LIPK: variants seen among roughly 807,000 people sequenced by gnomAD.
The protein encoded by LIPK is lipase member K.
Under a neutral mutation model 48.6 loss-of-function variants are expected in LIPK, and 32 were observed. The ratio of observed to expected loss-of-function variants is 0.66; its 90% CI spans 0.50 to 0.88. LIPK has a LOEUF of 0.88. LIPK is among the 40% of genes least tolerant of loss of function. The probability of loss-of-function intolerance (pLI) is 0.00; values close to 1 mark genes in which losing one functional copy is unlikely to be tolerated. For missense variants in LIPK, 507 were observed against 478.5 expected, an observed-to-expected ratio of 1.06 and a Z score of -0.56; for synonymous variants, 164 against 157.4, an observed-to-expected ratio of 1.04 and a Z score of -0.32.
chr10:88,706,555 A>C (rs1239586100), intron 1 of LIPK, among the ~76,000 whole-genome samples: 3 of 152,164 alleles, frequency 2.0e-5, no homozygotes, highest in Non-Finnish European at 4.4e-5. Context: ...AGCAGACATC[A>C]CTATATTTGA....
intron 8 of LIPK, 47 bp downstream of exon 8, chr10:88,740,114 C>A: frequency 1.4e-6 from 2 of 1,473,714 alleles, no homozygotes; most frequent in South Asian, 1.2e-5. Context: ...CTCTGCAAGA[C>A]CCTCAAGAAG....
At chr10:88,735,976 A>G (rs1413831410) in intron 6 of LIPK, among the ~76,000 whole-genome samples, 2 of 152,184 alleles carry the variant, frequency 1.3e-5, no homozygotes, top group East Asian at 3.8e-4. Flanking sequence ...GTATTTGGGA[A>G]AGCTAACTCC....
chr10:88,714,566 A>G (rs1346849714), intron 1 of LIPK, among the ~76,000 whole-genome samples: 4 of 152,198 alleles, frequency 2.6e-5, no homozygotes, highest in African/African-American at 9.6e-5. Flanking sequence ...AACAAATTCA[A>G]CTTTTAAAGT....
At chr10:88,727,006 T>G (rs765260114) in intron 3 of LIPK, 94 bp downstream of exon 3, 13 of 727,932 alleles carry the variant, frequency 1.8e-5, no homozygotes, top group Non-Finnish European at 2.8e-5. Context: ...CTGAAATTCT[T>G]AACAGTCCTT....
At chr10:88,708,335 TG>T (rs1219501016) in intron 1 of LIPK, among the ~76,000 whole-genome samples, 4 of 152,110 alleles carry the variant, frequency 2.6e-5, no homozygotes, top group Non-Finnish European at 5.9e-5. Flanking sequence ...AGTAAATTAG[TG>T]GAAGAGAGAA....
At chr10:88,723,704 TA>T (rs1196962633) in intron 1 of LIPK, among the ~76,000 whole-genome samples, 3 of 152,084 alleles carry the variant, frequency 2.0e-5, no homozygotes, top group African/African-American at 4.8e-5. Context: ...AAAAACACTT[TA>T]AAAATGAGAA....
At chr10:88,721,680 C>T (rs1411692825) in intron 1 of LIPK, among the ~76,000 whole-genome samples, 1 of 152,278 alleles carries the variant, frequency 6.6e-6, no homozygotes, top group South Asian at 2.1e-4. Context: ...ATTACAACAC[C>T]GACAGGATTA....
chr10:88,746,760 C>T (rs559738074), intron 9 of LIPK, among the ~76,000 whole-genome samples: 8 of 152,004 alleles, frequency 5.3e-5, no homozygotes, highest in Non-Finnish European at 1.0e-4. Flanking sequence ...AAAAAATAAC[C>T]AAAATTACAG....
intron 7 of LIPK, among the ~76,000 whole-genome samples, chr10:88,738,978 A>G (rs1170449489): frequency 6.6e-6 from 1 of 152,240 alleles, no homozygotes; most frequent in Non-Finnish European, 1.5e-5. Flanking sequence ...TGGATAGCTT[A>G]TAAGTAGGTT....
chr10:88,743,209 C>T (rs544421011), intron 8 of LIPK, 41 bp from the exon 9 acceptor site: 1 of 1,369,488 alleles, frequency 7.3e-7, no homozygotes, highest in Non-Finnish European at 1.0e-6. Flanking sequence ...TAAATGTACA[C>T]TATTTTCTTA....
Position 88,745,149 on chromosome 10 carries a change from C to T in LIPK, c.960+1828C>T, listed in dbSNP as rs374020252. Among the ~76,000 whole-genome samples the T allele has an allele frequency of 6.4e-4, 97 of 151,424 alleles. 3 individuals are homozygous for T. In the South Asian group the frequency reaches 0.019, roughly 29 times the overall value. On this transcript the variant is annotated intron_variant, in intron 9 of 9. Coordinates refer to ENST00000404190, the MANE Select transcript of LIPK (RefSeq NM_001080518.2). Reference sequence around the variant, plus strand: ...GGATTATGTAAAGACACCAAACCTACAGCTCTCTGGCATTCCTGAAAGAGA... The same window carrying T: ...GGATTATGTAAAGACACCAAACCTATAGCTCTCTGGCATTCCTGAAAGAGA...
intron 9 of LIPK, among the ~76,000 whole-genome samples, chr10:88,746,342 A>G (rs1295478760): frequency 2.6e-5 from 4 of 152,284 alleles, no homozygotes; most frequent in Admixed American, 6.5e-5. Context: ...TCATGTGCAC[A>G]TGGCATATAC....
At chr10:88,749,084 C>T (rs187323090) in intron 9 of LIPK, among the ~76,000 whole-genome samples, 11 of 152,180 alleles carry the variant, frequency 7.2e-5, no homozygotes, top group Non-Finnish European at 1.3e-4. Context: ...AAGATCTCTA[C>T]AATGAGAACT....
chr10:88,740,813 C>A (rs1014253390), intron 8 of LIPK, among the ~76,000 whole-genome samples: 3 of 152,064 alleles, frequency 2.0e-5, no homozygotes, highest in Non-Finnish European at 4.4e-5. Flanking sequence ...CTGAGACCCC[C>A]CCCCAACCAG....
intron 7 of LIPK, among the ~76,000 whole-genome samples, chr10:88,739,539 T>G (rs192692043): frequency 3.9e-5 from 6 of 152,308 alleles, no homozygotes; most frequent in African/African-American, 1.4e-4. Context: ...TCAGATTATA[T>G]GGTACATGTT....
intron 2 of LIPK, among the ~76,000 whole-genome samples, chr10:88,726,459 G>A (rs1040155643): frequency 6.6e-6 from 1 of 152,234 alleles, no homozygotes; most frequent in African/African-American, 2.4e-5. Flanking sequence ...GGCTAAGGCA[G>A]GGGAACGAAT....
intron 1 of LIPK, among the ~76,000 whole-genome samples, chr10:88,708,300 C>A (rs1403518064): frequency 6.6e-6 from 1 of 151,996 alleles, no homozygotes; most frequent in African/African-American, 2.4e-5. Flanking sequence ...CTAATAAATT[C>A]ATCAAGAAAA....
intron 9 of LIPK, among the ~76,000 whole-genome samples, chr10:88,745,353 A>G (rs1251388602): frequency 2.0e-5 from 3 of 152,154 alleles, no homozygotes; most frequent in Non-Finnish European, 4.4e-5. Context: ...GGTCTATATG[A>G]AAGAAAAAAT....
chr10:88,727,768 G>T, intron 3 of LIPK: 1 of 265,932 alleles, frequency 3.8e-6, no homozygotes, highest in South Asian at 4.5e-5. Flanking sequence ...TAAAAGTGGA[G>T]GTGGATCCCA....
Sources: gnomAD v4.1 joint callset for allele counts (sites outside exome capture counted in the v4.1 genomes callset) on GRCh38, gnomAD v4.1.1 for gene constraint, MANE v1.5 for transcripts, NCBI Gene and HGNC (gene_info 2026-07-23, HGNC 2026-07-21) for gene names.